Variants in IL27RA observed in about 807,000 individuals in gnomAD.
The protein encoded by IL27RA is interleukin-27 receptor subunit alpha.
In IL27RA, 61 loss-of-function variants were observed where a neutral mutation model predicts 80.8. The ratio of observed to expected loss-of-function variants is 0.76; its 90% CI spans 0.61 to 0.93. The LOEUF is 0.93. IL27RA is among the 40% of genes least tolerant of loss of function. IL27RA has a pLI of 0.00. For missense variants in IL27RA, 735 were observed against 808.1 expected, an observed-to-expected ratio of 0.91 and a Z score of 1.10; for synonymous variants, 316 against 332.5, an observed-to-expected ratio of 0.95 and a Z score of 0.54.
At chr19:14,032,276 T>A (rs1036792981) in intron 1 of IL27RA, 110 bp from the exon 2 acceptor site, 1 of 867,778 alleles carries the variant, frequency 1.2e-6, no homozygotes, top group African/African-American at 1.7e-5. Flanking sequence ...TGCTGCTCAT[T>A]TCCCTAAGCC....
At chr19:14,043,003 G>T (rs1667804907) in intron 6 of IL27RA, among the ~76,000 whole-genome samples, 1 of 151,834 alleles carries the variant, frequency 6.6e-6, no homozygotes, top group Non-Finnish European at 1.5e-5. Context: ...TTCACGGGGA[G>T]TGGTCGTGGG....
intron 12 of IL27RA, 59 bp from the exon 13 acceptor site, chr19:14,051,821 C>G: frequency 6.8e-7 from 1 of 1,468,582 alleles, no homozygotes. Flanking sequence ...AACCCTGCAC[C>G]CTGGGCTGGG....
Position 14,046,300 on chromosome 19 carries a change from C to G in IL27RA, c.915C>G (p.Ser305Arg). ...GGGTGTCCGCTGTCAACGCCACAAGCTGGGAGCCTCTCACCAACCTCTCTT... is the reference window on the plus strand; with the variant it reads ...GGGTGTCCGCTGTCAACGCCACAAGGTGGGAGCCTCTCACCAACCTCTCTT... ...WARVSAVNAT[S>R]WEPLTNLSLV... is the part of the protein sequence containing the mutation. The change falls in exon 7 of 14, where the codon AGC (serine) becomes AGG (arginine). Residue 305 changes from serine (S) to arginine (R), a missense_variant. Coordinates refer to ENST00000263379, the MANE Select transcript of IL27RA (RefSeq NM_004843.4). The G allele has an allele frequency of 1.9e-6, 3 of 1,614,014 alleles. No individual in the cohort carries two copies. Among genetic ancestry groups the G allele is most frequent in the Non-Finnish European group, 1.7e-6 (2 of 1,179,964 alleles).
rs992983922 is a variant in IL27RA at position 14,046,341 on chromosome 19, A to G, written c.952+4A>G. 3.7e-6 allele frequency: 6 copies of G among 1,613,570 alleles called. No individual in the cohort carries two copies. Among genetic ancestry groups the G allele is most frequent in the Non-Finnish European group, 5.1e-6 (6 of 1,179,684 alleles). On this transcript the variant is annotated splice_donor_region_variant and intron_variant, in intron 7 of 13. Transcript: ENST00000263379. ...AACCTCTCTTTGGTCTGCTTGGGTA[A>G]GAGACTGTGACCTTCCTCAGCTCGG...
In IL27RA at chr19:14,051,951, G is replaced by A; in HGVS notation, c.1694G>A (p.Ser565Asn). 1 of 1,587,242 alleles carries A rather than the reference G, an allele frequency of 6.3e-7. No individual in the cohort carries two copies. The highest frequency in any genetic ancestry group is 2.3e-5 in the East Asian group (1 of 43,852). Residue 565 changes from serine (S) to asparagine (N), a missense_variant, in exon 13 of 14, where the codon AGT (serine) becomes AAT (asparagine). Physicochemically the swap from Ser to Asn is conservative, Grantham distance 46. Transcript: ENST00000263379. ...WEKVPDPANS[S>N]SGQPHMEQVP... ...AAAGTTCCTGATCCTGCCAACAGCAGTTCAGGCCAGCCCCACATGGAGGTG... is the reference window on the plus strand; with the variant it reads ...AAAGTTCCTGATCCTGCCAACAGCAATTCAGGCCAGCCCCACATGGAGGTG...
chr19:14,051,212 C>T (rs12463234), intron 11 of IL27RA, among the ~76,000 whole-genome samples: 24,641 of 152,032 alleles, frequency 0.16, 2,325 homozygotes, highest in East Asian at 0.37. Context: ...TACACCACTG[C>T]GCTCCAGCCT....
At chr19:14,043,481 G>T (rs1251543070) in intron 6 of IL27RA, among the ~76,000 whole-genome samples, 1 of 151,684 alleles carries the variant, frequency 6.6e-6, no homozygotes, top group Non-Finnish European at 1.5e-5. Context: ...GTGCAGCAGC[G>T]TCATCTCATC....
At chr19:14,041,996 C>T (rs955816869) in intron 4 of IL27RA, among the ~76,000 whole-genome samples, 4 of 151,984 alleles carry the variant, frequency 2.6e-5, no homozygotes, top group Non-Finnish European at 4.4e-5. Flanking sequence ...GTCAGGAGAT[C>T]GAGACCATCT....
intron 11 of IL27RA, 151 bp downstream of exon 11, chr19:14,051,034 A>C: frequency 1.4e-6 from 1 of 732,100 alleles, no homozygotes; most frequent in Non-Finnish European, 2.0e-6. Flanking sequence ...GGATCACTTG[A>C]GCCCAGGAGC....
At chr19:14,044,303 G>A (rs558046061) in intron 6 of IL27RA, among the ~76,000 whole-genome samples, 10 of 151,880 alleles carry the variant, frequency 6.6e-5, no homozygotes, top group African/African-American at 1.7e-4. Context: ...GCAATGGGGC[G>A]ATCTTGGCTC....
Position 14,036,140 on chromosome 19 carries a change from A to G in IL27RA, c.219-3368A>G, listed in dbSNP as rs564281722. The stretch of plus-strand genomic sequence containing the variant: ...AGGAAGAGGAGGGAAAAAAGTAAGA[A>G]TAATTTTAAAAGTAAATAAATAAAT... On this transcript the variant is annotated intron_variant, in intron 2 of 13. Transcript: ENST00000263379. 7.2e-5 allele frequency among the ~76,000 whole-genome samples: 11 copies of G among 151,976 alleles called. No homozygotes were observed. The East Asian group carries it at 2.1e-3, about 29-fold the overall frequency.
chr19:14,047,957 C>G (rs1185866452), intron 8 of IL27RA, among the ~76,000 whole-genome samples: 1 of 139,570 alleles, frequency 7.2e-6, no homozygotes, highest in Non-Finnish European at 1.6e-5. Flanking sequence ...CCACCGCACC[C>G]GGCATTTTTT....
chr19:14,042,856 A>C, intron 6 of IL27RA, 67 bp downstream of exon 6: 1 of 1,395,902 alleles, frequency 7.2e-7, no homozygotes, highest in Non-Finnish European at 1.0e-6. Context: ...CAATGACATA[A>C]GGCCGGATGC....
intron 1 of IL27RA, 35 bp downstream of exon 1, chr19:14,032,007 GC>G: frequency 6.4e-7 from 1 of 1,552,138 alleles, no homozygotes; most frequent in Non-Finnish European, 8.8e-7. Flanking sequence ...CCCGGGCGCT[GC>G]CGCTGCGCTC....
chr19:14,044,394 C>T (rs1302723670), intron 6 of IL27RA, among the ~76,000 whole-genome samples: 1 of 151,978 alleles, frequency 6.6e-6, no homozygotes, highest in African/African-American at 2.4e-5. Context: ...CGCCCGCCAC[C>T]ACACCCGGCT....
At chr19:14,035,801 G>A (rs1434636261) in intron 2 of IL27RA, among the ~76,000 whole-genome samples, 2 of 151,832 alleles carry the variant, frequency 1.3e-5, no homozygotes, top group Non-Finnish European at 2.9e-5. Context: ...TTTATTTTGA[G>A]AAGAGGTCTT....
chr19:14,051,733 C>T (rs780515180), intron 12 of IL27RA, 33 bp downstream of exon 12: 11 of 1,526,674 alleles, frequency 7.2e-6, no homozygotes, highest in South Asian at 4.6e-5. Context: ...TCTCTACCCA[C>T]GTGGGGAAGG....
chr19:14,050,407 C>G (rs994819603), intron 10 of IL27RA, among the ~76,000 whole-genome samples: 5 of 150,608 alleles, frequency 3.3e-5, no homozygotes, highest in Non-Finnish European at 5.9e-5. Context: ...GAGGCTAAGA[C>G]AGCAGAATTG....
Position 14,051,677 on chromosome 19 carries a change from C to T in IL27RA, c.1599C>T (p.Gly533=). The change falls in exon 12 of 14, where the codon GGC becomes GGT. Residue 533 remains glycine (G), a synonymous_variant. Transcript: ENST00000263379. ...GGGGCTTGTTCCTGTTGGGGTGTGG[C>T]CTGAGCCTGGCCACCTCTGGAAGGT... The part of the protein sequence containing the change: ...FLWGLFLLGC[G]LSLATSGRCY... The T allele has an allele frequency of 6.2e-7, 1 of 1,612,076 alleles. No individual in the cohort carries two copies. The highest frequency in any genetic ancestry group is 8.5e-7 in the Non-Finnish European group (1 of 1,178,956).
Sources: allele counts gnomAD v4.1 joint callset (sites outside exome capture counted in the v4.1 genomes callset), GRCh38; gene constraint gnomAD v4.1.1; transcripts MANE v1.5; gene names NCBI Gene and HGNC (gene_info 2026-07-23, HGNC 2026-07-21).